The following GSK3B variants were observed in gnomAD, a reference collection of about 807,000 sequenced individuals.
GSK3B encodes glycogen synthase kinase-3 beta.
In GSK3B, 15 loss-of-function variants were observed where a neutral mutation model predicts 56.4. The observed-to-expected ratio is 0.27, with a 90% CI of 0.18 to 0.41. The LOEUF is 0.41. Among genes scored for constraint, GSK3B ranks in the 10% least tolerant of loss-of-function variants. GSK3B has a pLI of 1.00. For synonymous variants in GSK3B, 181 were observed against 188.9 expected (o/e 0.96, Z 0.34); for missense variants, 300 against 513.4 (o/e 0.58, Z 4.02).
At chr3:119,915,961 A>G in intron 5 of GSK3B, 83 bp downstream of exon 5, 1 of 766,260 alleles carries the variant, frequency 1.3e-6, no homozygotes, top group Non-Finnish European at 2.2e-6. Flanking sequence ...TTAGGCTGAT[A>G]TTGCAAAAGG....
chr3:119,839,030 A>G (rs1315442413), intron 10 of GSK3B, among the ~76,000 whole-genome samples: 1 of 152,150 alleles, frequency 6.6e-6, no homozygotes, highest in Non-Finnish European at 1.5e-5. Flanking sequence ...CATCTTTACC[A>G]TTTTCAAAGG....
At chr3:119,919,484 T>C (rs946501240) in intron 4 of GSK3B, among the ~76,000 whole-genome samples, 4 of 113,514 alleles carry the variant, frequency 3.5e-5, no homozygotes, top group African/African-American at 1.4e-4. Flanking sequence ...CCAGAGCCAA[T>C]AGATCTGGCC....
intron 1 of GSK3B, among the ~76,000 whole-genome samples, chr3:120,074,602 C>T (rs1256716734): frequency 6.6e-6 from 1 of 152,026 alleles, no homozygotes. Flanking sequence ...AGGTGTGAGC[C>T]ACCACACCCA....
At chr3:119,905,672 C>T (rs1282887472) in intron 7 of GSK3B, 83 bp downstream of exon 7, 7 of 779,926 alleles carry the variant, frequency 9.0e-6, no homozygotes, top group East Asian at 2.5e-5. Flanking sequence ...TTAAGTTTCT[C>T]GTATGTGTAC....
intron 7 of GSK3B, among the ~76,000 whole-genome samples, chr3:119,877,804 A>T (rs1443789945): frequency 6.6e-6 from 1 of 152,230 alleles, no homozygotes; most frequent in Non-Finnish European, 1.5e-5. Flanking sequence ...TGAACAAAAG[A>T]AAGTACATGG....
intron 2 of GSK3B, among the ~76,000 whole-genome samples, chr3:119,969,273 C>T (rs1173266531): frequency 8.0e-5 from 11 of 137,568 alleles, no homozygotes; most frequent in Non-Finnish European, 7.7e-5. Context: ...GCCTGGGTGA[C>T]AAAGCAAGAC....
intron 10 of GSK3B, among the ~76,000 whole-genome samples, chr3:119,842,150 C>T (rs1031927529): frequency 2.0e-5 from 3 of 152,132 alleles, no homozygotes; most frequent in African/African-American, 7.2e-5. Flanking sequence ...TAACTTAAAA[C>T]TTTTAAGTTT....
Position 119,889,638 on chromosome 3 carries a change from C to T in GSK3B, c.814-13130G>A, listed in dbSNP as rs561131119. On this transcript the variant is annotated intron_variant, in intron 7 of 10. Coordinates refer to ENST00000264235, the MANE Select transcript of GSK3B (RefSeq NM_001146156.2). ...CAGTAAAAGAGGGGGAAAAACAGAG[C>T]AAAGGAAAGATGGGATGAAAGGAAA... Among the ~76,000 whole-genome samples the T allele has an allele frequency of 2.6e-5, 4 of 152,000 alleles. No individual in the cohort carries two copies. In the East Asian group the frequency reaches 7.8e-4, roughly 29 times the overall value.
intron 7 of GSK3B, among the ~76,000 whole-genome samples, chr3:119,904,958 GTTTT>G (rs74674739): frequency 7.3e-6 from 1 of 137,792 alleles, no homozygotes; most frequent in African/African-American, 2.6e-5. Flanking sequence ...TAGACACTAG[GTTTT>G]TTTTTTTTTT....
chr3:119,987,435 G>A (rs2057526756), intron 2 of GSK3B, among the ~76,000 whole-genome samples: 1 of 152,114 alleles, frequency 6.6e-6, no homozygotes, highest in Admixed American at 6.6e-5. Context: ...TTATAAGGAG[G>A]CATAAGAATG....
intron 5 of GSK3B, among the ~76,000 whole-genome samples, chr3:119,914,085 A>T (rs760452060): frequency 3.9e-5 from 6 of 152,102 alleles, no homozygotes; most frequent in Non-Finnish European, 8.8e-5. Flanking sequence ...ACAAAAACGG[A>T]GCAGCCTCTC....
chr3:119,953,983 A>G (rs2057184492), intron 2 of GSK3B, among the ~76,000 whole-genome samples: 1 of 152,128 alleles, frequency 6.6e-6, no homozygotes, highest in South Asian at 2.1e-4. Context: ...TAGAAATCAG[A>G]TATTATAGTC....
At chr3:119,995,491 A>T (rs1436524987) in intron 2 of GSK3B, among the ~76,000 whole-genome samples, 11 of 151,672 alleles carry the variant, frequency 7.3e-5, no homozygotes, top group Non-Finnish European at 1.3e-4. Flanking sequence ...TTTGAGACGG[A>T]GTCTCACTCT....
intron 2 of GSK3B, among the ~76,000 whole-genome samples, chr3:119,953,352 A>G (rs1477671198): frequency 1.3e-5 from 2 of 152,230 alleles, no homozygotes; most frequent in African/African-American, 4.8e-5. Flanking sequence ...TACATCACAC[A>G]CTACATAAAA....
chr3:120,013,935 C>T (rs1018615988), intron 1 of GSK3B, among the ~76,000 whole-genome samples: 1 of 151,828 alleles, frequency 6.6e-6, no homozygotes, highest in East Asian at 1.9e-4. Flanking sequence ...TTTGGGAGGC[C>T]AAGGTGAGTG....
intron 3 of GSK3B, among the ~76,000 whole-genome samples, chr3:119,931,498 C>G (rs551585702): frequency 6.6e-6 from 1 of 152,216 alleles, no homozygotes; most frequent in South Asian, 2.1e-4. Context: ...CACCTGTAGT[C>G]CCAGCTACTC....
At chr3:120,016,662 G>A (rs1330413844) in intron 1 of GSK3B, among the ~76,000 whole-genome samples, 2 of 152,016 alleles carry the variant, frequency 1.3e-5, no homozygotes, top group Non-Finnish European at 2.9e-5. Context: ...TTTTTTCTTT[G>A]AAATATCCAT....
At chr3:119,932,184 A>G (rs927063098) in intron 3 of GSK3B, among the ~76,000 whole-genome samples, 3 of 152,236 alleles carry the variant, frequency 2.0e-5, no homozygotes, top group Non-Finnish European at 2.9e-5. Context: ...GCAATACAAC[A>G]TATTAGAGAT....
chr3:119,923,328 TA>T, intron 4 of GSK3B, 44 bp downstream of exon 4: 2 of 992,646 alleles, frequency 2.0e-6, no homozygotes, highest in Non-Finnish European at 3.2e-6. Context: ...CCTTGGTTCA[TA>T]AAAAATGTTT....
Sources: allele counts gnomAD v4.1 joint callset (sites outside exome capture counted in the v4.1 genomes callset), GRCh38; gene constraint gnomAD v4.1.1; transcripts MANE v1.5; gene names NCBI Gene and HGNC (gene_info 2026-07-23, HGNC 2026-07-21).